ASPRV1: variants seen among roughly 807,000 people sequenced by gnomAD.
ASPRV1 encodes aspartic peptidase retroviral like 1, also known as retroviral-like aspartic protease 1.
A neutral mutation model predicts 11.0 loss-of-function variants in ASPRV1; 7 were observed. That is an observed-to-expected ratio of 0.64 (90% CI 0.36 to 1.20). The LOEUF (loss-of-function observed/expected upper bound fraction) is 1.20, where lower values mean the gene tolerates loss of function less well. Ranked by LOEUF, ASPRV1 falls within the 50% of genes most tolerant of loss-of-function variation. The probability of loss-of-function intolerance (pLI) is 0.02; values close to 1 mark genes in which losing one functional copy is unlikely to be tolerated. For missense variants in ASPRV1, 299 were observed against 320.0 expected (o/e 0.93, Z 0.50); for synonymous variants, 136 against 138.4 (o/e 0.98, Z 0.12).
At chr2:69,940,152 T>C in the ASPRV1 span, 16 of 151,938 alleles carry the variant, frequency 1.1e-4, no homozygotes, top group Non-Finnish European at 2.1e-4. Context: ...AAAGGATTTT[T>C]TTTTTTTTTT....
At chr2:70,013,689 A>G in the ASPRV1 span, among the ~76,000 whole-genome samples, 1 of 152,196 alleles carries the variant, frequency 6.6e-6, no homozygotes, top group Non-Finnish European at 1.5e-5. Context: ...CTGGAGTTCA[A>G]GACCAGCCTG....
the ASPRV1 span, among the ~76,000 whole-genome samples, chr2:69,980,805 C>T: frequency 3.9e-4 from 60 of 152,310 alleles, no homozygotes; most frequent in Middle Eastern, 3.4e-3. Context: ...GACAGAGTTT[C>T]GCTCTTGTTG....
chr2:69,988,815 C>T, the ASPRV1 span: 1 of 456,474 alleles, frequency 2.2e-6, no homozygotes, highest in Non-Finnish European at 4.4e-6. Context: ...AAGCAGGGGT[C>T]AACATGGGGT....
the ASPRV1 span, among the ~76,000 whole-genome samples, chr2:69,980,655 T>C: frequency 3.9e-5 from 6 of 152,340 alleles, no homozygotes; most frequent in Admixed American, 3.9e-4. Flanking sequence ...TTTATTAGTT[T>C]TGGCAAATGT....
At chr2:69,940,624 A>T in the ASPRV1 span, 1 of 152,616 alleles carries the variant, frequency 6.6e-6, no homozygotes, top group Non-Finnish European at 1.5e-5. Context: ...GTCCCAATAT[A>T]AAACAGTAAT....
the ASPRV1 span, among the ~76,000 whole-genome samples, chr2:70,074,133 C>CAA: frequency 0.032 from 252 of 7,810 alleles, 44 homozygotes; most frequent in African/African-American, 0.06. Context: ...AACTTCATCT[C>CAA]AAAAAAAAAA....
At chr2:70,087,246 A>G in the ASPRV1 span, 4 of 152,192 alleles carry the variant, frequency 2.6e-5, no homozygotes, top group Non-Finnish European at 5.9e-5. Context: ...GAGTTAATAA[A>G]ATACGTCATC....
the ASPRV1 span, among the ~76,000 whole-genome samples, chr2:69,949,082 G>A: frequency 6.6e-6 from 1 of 152,108 alleles, no homozygotes; most frequent in African/African-American, 2.4e-5. Flanking sequence ...CGCTGTCCGC[G>A]CAGTGATGCA....
chr2:70,085,821 A>G, the ASPRV1 span: 1 of 152,252 alleles, frequency 6.6e-6, no homozygotes, highest in Admixed American at 6.5e-5. Context: ...TTCACCGGCC[A>G]ACTGTCCTAT....
At chr2:69,956,561 T>C (rs1215959535), downstream of ASPRV1, among the ~76,000 whole-genome samples, 1 of 149,860 alleles carries the variant, frequency 6.7e-6, no homozygotes, top group Non-Finnish European at 1.5e-5. Flanking sequence ...AGAAGGAGAT[T>C]AGAAAATCAC....
the ASPRV1 span, among the ~76,000 whole-genome samples, chr2:69,987,604 AT>A: frequency 0.11 from 16,012 of 146,590 alleles, 1,304 homozygotes; most frequent in South Asian, 0.22. Context: ...AAAAAAAAAA[AT>A]TTAGCCGGGC....
chr2:69,977,989 G>A, the ASPRV1 span, among the ~76,000 whole-genome samples: 1 of 152,254 alleles, frequency 6.6e-6, no homozygotes, highest in Non-Finnish European at 1.5e-5. Context: ...TGTGGGTATG[G>A]ATCCCCTAGA....
the ASPRV1 span, chr2:69,941,326 C>CTTTTGCTA: frequency 6.6e-6 from 1 of 152,168 alleles, no homozygotes; most frequent in Non-Finnish European, 1.5e-5. Flanking sequence ...GCCGAGCACC[C>CTTTTGCTA]AGGTCGTCTG....
the ASPRV1 span, among the ~76,000 whole-genome samples, chr2:69,966,882 C>G: frequency 6.6e-6 from 1 of 152,088 alleles, no homozygotes; most frequent in Non-Finnish European, 1.5e-5. Flanking sequence ...GGGGCGGCGA[C>G]AGAGAGGGGG....
At chr2:70,009,355 A>G in the ASPRV1 span, among the ~76,000 whole-genome samples, 1 of 135,208 alleles carries the variant, frequency 7.4e-6, no homozygotes, top group Non-Finnish European at 1.6e-5. Flanking sequence ...TTAGAGATGG[A>G]GTCTTGCTCT....
At chr2:70,069,412 A>T in the ASPRV1 span, 2 of 152,196 alleles carry the variant, frequency 1.3e-5, no homozygotes, top group Non-Finnish European at 2.9e-5. Flanking sequence ...ATGGTTTATG[A>T]TGTCTGTCTC....
chr2:69,954,712 A>C, the ASPRV1 span, among the ~76,000 whole-genome samples: 2 of 152,138 alleles, frequency 1.3e-5, no homozygotes, highest in East Asian at 3.9e-4. Flanking sequence ...TCATCTTTAA[A>C]GACTCAACTT....
At chr2:70,085,630 TAA>T in the ASPRV1 span, 2 of 139,164 alleles carry the variant, frequency 1.4e-5, no homozygotes, top group East Asian at 2.1e-4. Flanking sequence ...TTCCTCTGTT[TAA>T]AAGAGAGAGA....
the ASPRV1 span, chr2:69,976,450 G>A: frequency 6.6e-6 from 1 of 152,252 alleles, no homozygotes; most frequent in Non-Finnish European, 1.5e-5. Context: ...TAGCCCTTGA[G>A]GCTGAATGAG....
Sources: allele counts gnomAD v4.1 joint callset (sites outside exome capture counted in the v4.1 genomes callset), GRCh38; gene constraint gnomAD v4.1.1; transcripts MANE v1.5; gene names NCBI Gene and HGNC (gene_info 2026-07-23, HGNC 2026-07-21).